Variants in KDM6A observed in about 807,000 individuals in gnomAD.
KDM6A encodes the protein lysine demethylase 6A, also known as lysine-specific demethylase 6A.
In KDM6A, 11 loss-of-function variants were observed where a neutral mutation model predicts 117.6. The ratio of observed to expected loss-of-function variants is 0.09; its 90% CI spans 0.06 to 0.15. The LOEUF (loss-of-function observed/expected upper bound fraction) is 0.15, where lower values mean the gene tolerates loss of function less well. KDM6A is among the 10% of genes least tolerant of loss of function. The pLI is 1.00. For missense variants in KDM6A, 799 were observed against 1,077.3 expected, an observed-to-expected ratio of 0.74 and a Z score of 3.62; for synonymous variants, 384 against 396.1, an observed-to-expected ratio of 0.97 and a Z score of 0.36.
At chrX:45,033,904 T>C (rs914013399) in intron 6 of KDM6A, among the ~76,000 whole-genome samples, 2 of 111,067 alleles carry the variant, frequency 1.8e-5, no homozygotes, top group African/African-American at 6.6e-5. Flanking sequence ...TCATACCAAG[T>C]GATGTTTTCT....
rs770470768 is a variant in KDM6A at position 44,895,605 on chromosome X, C to A, written c.225+21618C>A. ...TGGAAGTTGGATTATTAATTTGAAT[C>A]ATTTCCTTTTCTCTGATGTAACAAT... On this transcript the variant is annotated intron_variant, in intron 2 of 29. Coordinates refer to ENST00000611820, the MANE Select transcript of KDM6A (RefSeq NM_001291415.2). Among the ~76,000 whole-genome samples the A allele has an allele frequency of 6.5e-5, 7 of 106,911 alleles. No homozygotes were observed. In the East Asian group the frequency reaches 1.8e-3, roughly 27 times the overall value. 92.8% of individuals were successfully genotyped at this position (106,911 alleles called of 115,157 possible).
At chrX:44,920,508 C>G (rs767419117) in intron 2 of KDM6A, among the ~76,000 whole-genome samples, 1 of 109,052 alleles carries the variant, frequency 9.2e-6, no homozygotes, top group Non-Finnish European at 1.9e-5. Flanking sequence ...GCGCAGTCTC[C>G]GCTCACTGCA....
chrX:45,110,572 T>A (rs1248306770), intron 29 of KDM6A, among the ~76,000 whole-genome samples: 1 of 111,858 alleles, frequency 8.9e-6, no homozygotes, highest in Non-Finnish European at 1.9e-5. Flanking sequence ...ATAAAATGTT[T>A]GTGTACGTAG....
In KDM6A at chrX:45,083,477, A is replaced by G; in HGVS notation, c.3458A>G (p.His1153Arg). 1 of 1,210,104 alleles carries G rather than the reference A, an allele frequency of 8.3e-7. No homozygotes were observed. Among genetic ancestry groups the G allele is most frequent in the Non-Finnish European group, 1.1e-6 (1 of 894,149 alleles). Reference protein sequence around the residue: ...SDDKKWKLQLHELTKLPAFVR... With the variant: ...SDDKKWKLQLRELTKLPAFVR... Reference sequence around the variant, plus strand: ...TATTGCAGGTGGAAGTTGCAGCTACATGAGCTGACTAAACTTCCTGCTTTT... The same window carrying G: ...TATTGCAGGTGGAAGTTGCAGCTACGTGAGCTGACTAAACTTCCTGCTTTT... The change falls in exon 24 of 30, where the codon CAT (histidine) becomes CGT (arginine). Residue 1153 changes from histidine (H) to arginine (R), a missense_variant. Coordinates refer to ENST00000611820, the MANE Select transcript of KDM6A (RefSeq NM_001291415.2).
At chrX:45,058,013 T>C (rs1299296007) in intron 10 of KDM6A, among the ~76,000 whole-genome samples, 3 of 107,835 alleles carry the variant, frequency 2.8e-5, no homozygotes, top group Non-Finnish European at 5.8e-5. Context: ...ATATACTGGC[T>C]GGCAATTAGG....
rs183671720 is a variant in KDM6A at position 44,892,716 on chromosome X, A to G, written c.225+18729A>G. Among the ~76,000 whole-genome samples the G allele has an allele frequency of 4.0e-3, 421 of 105,711 alleles. 4 individuals carry two copies. The highest frequency in any genetic ancestry group is 0.014 in the African/African-American group (400 of 28,714). The allele number at this position is 105,711 out of a possible 115,157, so 91.8% of individuals were successfully genotyped here. A position where few individuals can be genotyped will look rare whatever the true frequency, so the allele number is the denominator to read the frequency against. Reference sequence around the variant, plus strand: ...CAAACAAAAACAAAAACAAAAAACAAAAGTTGTCTGGGCATGGTGGCTCAT... The same window carrying G: ...CAAACAAAAACAAAAACAAAAAACAGAAGTTGTCTGGGCATGGTGGCTCAT... On this transcript the variant is annotated intron_variant, in intron 2 of 29. Coordinates refer to ENST00000611820, the MANE Select transcript of KDM6A (RefSeq NM_001291415.2).
At chrX:45,000,813 T>C (rs934533807) in intron 4 of KDM6A, among the ~76,000 whole-genome samples, 11 of 112,340 alleles carry the variant, frequency 9.8e-5, no homozygotes, top group Non-Finnish European at 2.1e-4. Flanking sequence ...CATGACTTAC[T>C]ACTCCAGGCT....
chrX:45,076,521 CTT>C (rs776140696), intron 18 of KDM6A, among the ~76,000 whole-genome samples, 174 bp from the exon 19 acceptor site: 1 of 110,746 alleles, frequency 9.0e-6, no homozygotes, highest in East Asian at 2.8e-4. Context: ...GGAATCAAGT[CTT>C]TGCTGAAATT....
rs767011033 is a variant in KDM6A at position 45,094,749 on chromosome X, C to CT, written c.4034+3891dup. Among the ~76,000 whole-genome samples, 3 of 111,896 alleles carry CT rather than the reference C, an allele frequency of 2.7e-5. No individual in the cohort carries two copies. The South Asian group carries it at 1.1e-3, about 42-fold the overall frequency. On this transcript the variant is annotated intron_variant, in intron 27 of 29. Transcript: ENST00000611820. ...CTGTCATTCTCTCCACTATACCTCT[C>CT]TTTTTTGCCCTCCCTCCTGATTACC...
intron 27 of KDM6A, among the ~76,000 whole-genome samples, chrX:45,100,839 T>C (rs1316142266): frequency 9.1e-6 from 1 of 109,755 alleles, no homozygotes; most frequent in Non-Finnish European, 1.9e-5. Flanking sequence ...TTCTTTTTCT[T>C]TCTTCTTTTT....
chrX:44,916,279 C>T (rs558541059), intron 2 of KDM6A, among the ~76,000 whole-genome samples: 134 of 110,324 alleles, frequency 1.2e-3, no homozygotes, highest in South Asian at 5.0e-3. Context: ...ACTTAATGTT[C>T]ATTGTTGACC....
In KDM6A at chrX:45,051,738, T is replaced by C. The variant is rs1168997633; in HGVS notation, c.684T>C (p.Tyr228=). 4 of 1,188,241 alleles carry C rather than the reference T, an allele frequency of 3.4e-6. No individual in the cohort carries two copies. The African/African-American group carries it at 5.3e-5, about 16-fold the overall frequency. ...QRKYHSAKEA[Y]EQLLQTENLS... is the part of the protein sequence containing the mutation. The stretch of plus-strand genomic sequence containing the variant: ...AATATCATTCTGCAAAAGAAGCTTA[T>C]GAACAACTTTTGCAGACAGAGAATC... Residue 228 remains tyrosine, a synonymous_variant, in exon 9 of 30, where the codon TAT becomes TAC. Transcript: ENST00000611820.
intron 4 of KDM6A, among the ~76,000 whole-genome samples, chrX:45,007,580 A>G (rs1245463081): frequency 9.0e-6 from 1 of 111,662 alleles, no homozygotes; most frequent in Non-Finnish European, 1.9e-5. Flanking sequence ...TTTTCCATGA[A>G]CTTTTTGAAG....
chrX:44,876,998 T>TATATACACTCGTATACGCATACGC (rs2031686351), intron 2 of KDM6A, among the ~76,000 whole-genome samples: 1 of 110,750 alleles, frequency 9.0e-6, no homozygotes, highest in African/African-American at 3.2e-5. Flanking sequence ...TACGCATACG[T>TATATACACTCGTATACGCATACGC]ATATACACAC....
At chrX:44,919,538 G>C (rs1231071346) in intron 2 of KDM6A, among the ~76,000 whole-genome samples, 8 of 110,789 alleles carry the variant, frequency 7.2e-5, no homozygotes, top group African/African-American at 2.6e-4. Context: ...GGAGTTTTCT[G>C]AACAGGAGAT....
intron 27 of KDM6A, among the ~76,000 whole-genome samples, chrX:45,094,203 C>G (rs1191106642): frequency 9.0e-6 from 1 of 111,510 alleles, no homozygotes; most frequent in East Asian, 2.8e-4. Context: ...TAGGCTAGGC[C>G]CTGAGGGTTT....
chrX:45,111,087 T>C (rs948194926), intron 29 of KDM6A, among the ~76,000 whole-genome samples: 13 of 111,774 alleles, frequency 1.2e-4, no homozygotes, highest in Non-Finnish European at 2.1e-4. Context: ...AGAAGCCCCC[T>C]TTTTTTAAGC....
At chrX:45,095,684 C>T (rs2046073304) in intron 27 of KDM6A, among the ~76,000 whole-genome samples, 1 of 111,263 alleles carries the variant, frequency 9.0e-6, no homozygotes, top group South Asian at 3.7e-4. Context: ...CCTTGCCATT[C>T]CTTCCCTCTG....
chrX:45,070,676 G>A (rs1361535041), intron 18 of KDM6A, among the ~76,000 whole-genome samples: 2 of 109,634 alleles, frequency 1.8e-5, no homozygotes, highest in Non-Finnish European at 3.8e-5. Context: ...ATCATATTTG[G>A]CCAAATACAG....
Sources: allele counts gnomAD v4.1 joint callset (sites outside exome capture counted in the v4.1 genomes callset), GRCh38; gene constraint gnomAD v4.1.1; transcripts MANE v1.5; gene names NCBI Gene and HGNC (gene_info 2026-07-23, HGNC 2026-07-21).